RFX3: variants seen among roughly 807,000 people sequenced by gnomAD.
RFX3 encodes the protein regulatory factor X3.
Under a neutral mutation model 98.6 loss-of-function variants are expected in RFX3, and 14 were observed. The observed-to-expected ratio is 0.14, with a 90% CI of 0.09 to 0.22. The LOEUF (loss-of-function observed/expected upper bound fraction) is 0.22. Among genes scored for constraint, RFX3 ranks in the 10% least tolerant of loss-of-function variants. The pLI is 1.00. For synonymous variants in RFX3, 383 were observed against 328.4 expected (o/e 1.17, Z -1.80); for missense variants, 639 against 926.9 (o/e 0.69, Z 4.03).
At chr9:3,302,432 T>C (rs116154007) in intron 4 of RFX3, among the ~76,000 whole-genome samples, 3,220 of 151,922 alleles carry the variant, frequency 0.021, 121 homozygotes, top group African/African-American at 0.073. Context: ...AAGTTATCTA[T>C]CTTTCAACTC....
At chr9:3,319,853 G>GAA (rs199976614) in intron 4 of RFX3, among the ~76,000 whole-genome samples, 10 of 121,436 alleles carry the variant, frequency 8.2e-5, no homozygotes, top group Non-Finnish European at 1.5e-4. Context: ...GTCAGTGACC[G>GAA]AAAAAAAAAA....
intron 1 of RFX3, among the ~76,000 whole-genome samples, chr9:3,431,482 T>A (rs1428633890): frequency 6.6e-6 from 1 of 152,164 alleles, no homozygotes; most frequent in African/African-American, 2.4e-5. Context: ...AGAAAATTTA[T>A]GAAGTTGTCA....
At chr9:3,420,983 TG>T in intron 1 of RFX3, 1 of 882,118 alleles carries the variant, frequency 1.1e-6, no homozygotes. Context: ...TAATGAAATC[TG>T]TGGACTCTCA....
intron 12 of RFX3, among the ~76,000 whole-genome samples, chr9:3,265,681 GATTA>G (rs1443790257): frequency 3.9e-5 from 6 of 152,110 alleles, no homozygotes; most frequent in African/African-American, 1.4e-4. Context: ...GAGATATATT[GATTA>G]ATTATGAGTT....
chr9:3,344,821 C>A (rs753388134), intron 3 of RFX3: 2 of 713,754 alleles, frequency 2.8e-6, no homozygotes, highest in Middle Eastern at 2.3e-4. Context: ...GGTATAAATG[C>A]CAACAGTAGT....
chr9:3,277,554 A>C, intron 7 of RFX3, 93 bp from the exon 8 acceptor site: 1 of 1,097,672 alleles, frequency 9.1e-7, no homozygotes, highest in Non-Finnish European at 1.3e-6. Flanking sequence ...GTTTTATTCT[A>C]TCTTCTTTAA....
intron 1 of RFX3, among the ~76,000 whole-genome samples, chr9:3,433,478 T>C (rs977353863): frequency 2.6e-5 from 4 of 152,200 alleles, no homozygotes; most frequent in Non-Finnish European, 5.9e-5. Flanking sequence ...ACAGATAACA[T>C]AGAAAATATG....
At chr9:3,467,491 T>C (rs1410119401) in intron 1 of RFX3, among the ~76,000 whole-genome samples, 1 of 151,820 alleles carries the variant, frequency 6.6e-6, no homozygotes, top group Admixed American at 6.6e-5. Context: ...AAATCTATCT[T>C]CCCTCTTACA....
At chr9:3,262,487 C>A (rs1210241743) in intron 13 of RFX3, among the ~76,000 whole-genome samples, 1 of 151,964 alleles carries the variant, frequency 6.6e-6, no homozygotes, top group Non-Finnish European at 1.5e-5. Flanking sequence ...GGAGGGGCAA[C>A]AAAATAGAAA....
At position 3,220,173 on chromosome 9, in the gene RFX3, A is replaced by C. The variant is rs992605771; in HGVS notation, c.*4869T>G. 3 of 152,186 alleles carry C rather than the reference A, an allele frequency of 2.0e-5. No homozygotes were observed. Among genetic ancestry groups the C allele is most frequent in the Non-Finnish European group, 2.9e-5 (2 of 68,038 alleles). The allele number at this position is 152,186 out of a possible 1,614,324, so 9.4% of individuals were successfully genotyped here. On this transcript the variant is annotated 3_prime_UTR_variant, in exon 17 of 17. Coordinates refer to ENST00000617270, the MANE Select transcript of RFX3 (RefSeq NM_001282116.2). ...ATAGATAAAATTATGCCCTGTGTGAAATTCGCAAACAATATTTTATGAGCG... is the reference window on the plus strand; with the variant it reads ...ATAGATAAAATTATGCCCTGTGTGACATTCGCAAACAATATTTTATGAGCG...
intron 1 of RFX3, among the ~76,000 whole-genome samples, chr9:3,493,706 T>C (rs1190304098): frequency 7.7e-6 from 1 of 129,726 alleles, no homozygotes; most frequent in Non-Finnish European, 1.6e-5. Context: ...AAAAAATATA[T>C]ATATATATAT....
At chr9:3,441,193 CATT>C (rs1253945372) in intron 1 of RFX3, among the ~76,000 whole-genome samples, 1 of 151,996 alleles carries the variant, frequency 6.6e-6, no homozygotes, top group African/African-American at 2.4e-5. Context: ...TGGATAGAGA[CATT>C]AATGATAATA....
chr9:3,349,540 G>T (rs945077712), intron 2 of RFX3, among the ~76,000 whole-genome samples: 1 of 151,982 alleles, frequency 6.6e-6, no homozygotes, highest in African/African-American at 2.4e-5. Context: ...TTGGACAGAT[G>T]ACCCTCCTTT....
intron 4 of RFX3, among the ~76,000 whole-genome samples, chr9:3,327,088 C>A (rs968860564): frequency 7.9e-5 from 12 of 152,078 alleles, no homozygotes; most frequent in Admixed American, 7.2e-4. Flanking sequence ...TGAGTCTTGA[C>A]CAACAAATCT....
intron 2 of RFX3, among the ~76,000 whole-genome samples, chr9:3,383,266 T>A (rs1307598421): frequency 6.6e-6 from 1 of 152,174 alleles, no homozygotes; most frequent in Admixed American, 6.6e-5. Flanking sequence ...CTAGTTATTT[T>A]GCTCAAATAG....
intron 15 of RFX3, among the ~76,000 whole-genome samples, chr9:3,238,081 G>C (rs12335835): frequency 2.6e-5 from 4 of 151,966 alleles, no homozygotes; most frequent in African/African-American, 9.7e-5. Flanking sequence ...GAATTTGTTC[G>C]TGTTTGCAGA....
chr9:3,310,364 C>G (rs1410543814), intron 4 of RFX3, among the ~76,000 whole-genome samples: 1 of 152,050 alleles, frequency 6.6e-6, no homozygotes, highest in Non-Finnish European at 1.5e-5. Flanking sequence ...GCTAATAAGG[C>G]AGGAAGAAAA....
chr9:3,378,968 T>C (rs182348995), intron 2 of RFX3, among the ~76,000 whole-genome samples: 4 of 152,324 alleles, frequency 2.6e-5, no homozygotes, highest in Non-Finnish European at 5.9e-5. Context: ...AGTTTAAAAA[T>C]TGGAGTGTGT....
chr9:3,488,848 G>C, intron 1 of RFX3: 3 of 984,194 alleles, frequency 3.0e-6, no homozygotes, highest in Non-Finnish European at 2.4e-6. Context: ...TTAACTAGCA[G>C]ATTGAGTGTT....
Sources: allele counts gnomAD v4.1 joint callset (sites outside exome capture counted in the v4.1 genomes callset), GRCh38; gene constraint gnomAD v4.1.1; transcripts MANE v1.5; gene names NCBI Gene and HGNC (gene_info 2026-07-23, HGNC 2026-07-21).